Variants in NEO1 observed in about 807,000 individuals in gnomAD.
The protein encoded by NEO1 is neogenin 1.
Under a neutral mutation model 159.7 loss-of-function variants are expected in NEO1, and 63 were observed. That is an observed-to-expected ratio of 0.39 (90% CI 0.32 to 0.49). NEO1 has a LOEUF of 0.49. Among genes scored for constraint, NEO1 ranks in the 20% least tolerant of loss-of-function variants. NEO1 has a pLI of 0.85. For missense variants in NEO1, 1,615 were observed against 1,831.0 expected (o/e 0.88, Z 2.15); for synonymous variants, 633 against 662.0 (o/e 0.96, Z 0.67).
intron 3 of NEO1, among the ~76,000 whole-genome samples, chr15:73,125,358 T>A (rs1480469538): frequency 6.6e-6 from 1 of 152,250 alleles, no homozygotes; most frequent in Non-Finnish European, 1.5e-5. Flanking sequence ...TAAAAGTCAG[T>A]GACTCCACCA....
At chr15:73,132,444 T>C (rs1218031379) in intron 4 of NEO1, among the ~76,000 whole-genome samples, 1 of 152,108 alleles carries the variant, frequency 6.6e-6, no homozygotes, top group East Asian at 1.9e-4. Context: ...TTCTAGAAGA[T>C]AACATTCAAA....
intron 1 of NEO1, among the ~76,000 whole-genome samples, chr15:73,114,200 G>A (rs2071161627): frequency 6.6e-6 from 1 of 152,126 alleles, no homozygotes; most frequent in Admixed American, 6.6e-5. Context: ...GAAAAGGAGT[G>A]GTGGTGGGAA....
At chr15:73,148,853 T>TG (rs968230170) in intron 5 of NEO1, among the ~76,000 whole-genome samples, 4 of 150,840 alleles carry the variant, frequency 2.7e-5, no homozygotes, top group South Asian at 2.1e-4. Context: ...TTTTCAAACT[T>TG]GTTTTTTTTT....
intron 1 of NEO1, among the ~76,000 whole-genome samples, chr15:73,068,005 A>G (rs2068311269): frequency 6.6e-6 from 1 of 152,158 alleles, no homozygotes. Flanking sequence ...ATTTGCAACC[A>G]TTTAACAGTT....
chr15:73,229,207 A>G (rs1367559803), intron 7 of NEO1, among the ~76,000 whole-genome samples: 1 of 152,030 alleles, frequency 6.6e-6, no homozygotes, highest in East Asian at 1.9e-4. Flanking sequence ...AATGTGTTGT[A>G]ATTTTTTCTT....
intron 2 of NEO1, among the ~76,000 whole-genome samples, chr15:73,120,740 AGTG>A (rs1365078301): frequency 1.3e-5 from 2 of 152,022 alleles, no homozygotes; most frequent in African/African-American, 2.4e-5. Flanking sequence ...ACACCCATGA[AGTG>A]GTGGTGTTGG....
intron 5 of NEO1, among the ~76,000 whole-genome samples, chr15:73,159,641 G>T (rs1277651100): frequency 6.6e-6 from 1 of 152,162 alleles, no homozygotes; most frequent in Non-Finnish European, 1.5e-5. Flanking sequence ...ATAAGGGCAA[G>T]TCAACATGGA....
intron 5 of NEO1, among the ~76,000 whole-genome samples, chr15:73,149,154 A>C (rs1350413999): frequency 6.6e-6 from 1 of 152,052 alleles, no homozygotes; most frequent in Non-Finnish European, 1.5e-5. Context: ...GTCTCTACCA[A>C]AAATACAAAA....
At position 73,279,351 on chromosome 15, in the gene NEO1, G is replaced by GTTTTTTT. The variant is rs869029902; in HGVS notation, c.3262+1161_3262+1167dup. ...ATGTTTTTTTGTTGTTTTGGTTTTG[G>GTTTTTTT]TTTTTTTTTTTTTTTGAGATGGAAT... On this transcript the variant is annotated intron_variant, in intron 22 of 28. Transcript: ENST00000261908. Among the ~76,000 whole-genome samples, 65 of 119,330 alleles carry GTTTTTTT rather than the reference G, an allele frequency of 5.4e-4. 4 individuals carry two copies. Among genetic ancestry groups the GTTTTTTT allele is most frequent in the South Asian group, 8.2e-4 (3 of 3,680 alleles). 78.3% of individuals were successfully genotyped at this position (119,330 alleles called of 152,430 possible). A position where few individuals can be genotyped will look rare whatever the true frequency, so the allele number is the denominator to read the frequency against.
At chr15:73,272,625 G>T in intron 19 of NEO1, 63 bp downstream of exon 19, 1 of 1,177,556 alleles carries the variant, frequency 8.5e-7, no homozygotes, top group Non-Finnish European at 1.3e-6. Context: ...AGTATTCCAG[G>T]AGAGTACCAT....
chr15:73,208,384 G>A (rs541422643), intron 7 of NEO1, among the ~76,000 whole-genome samples: 47 of 152,248 alleles, frequency 3.1e-4, no homozygotes, highest in Non-Finnish European at 5.0e-4. Flanking sequence ...CCTGTACAGT[G>A]GTTATCTTTA....
chr15:73,241,421 T>G (rs1388179256), intron 8 of NEO1, among the ~76,000 whole-genome samples: 1 of 152,198 alleles, frequency 6.6e-6, no homozygotes, highest in Non-Finnish European at 1.5e-5. Flanking sequence ...GTTACATAGG[T>G]AACTATATAA....
chr15:73,296,878 C>T (rs1458007867), intron 26 of NEO1, among the ~76,000 whole-genome samples: 7 of 152,168 alleles, frequency 4.6e-5, no homozygotes, highest in Non-Finnish European at 1.0e-4. Flanking sequence ...AAATGTAAAA[C>T]TTATGAATTA....
chr15:73,120,827 C>T (rs958873380), intron 2 of NEO1, among the ~76,000 whole-genome samples: 21 of 151,912 alleles, frequency 1.4e-4, no homozygotes, highest in African/African-American at 3.1e-4. Flanking sequence ...ATATTTATGA[C>T]GACATTTTTG....
chr15:73,185,088 A>T (rs887912803), intron 7 of NEO1, among the ~76,000 whole-genome samples: 4 of 152,170 alleles, frequency 2.6e-5, no homozygotes, highest in Non-Finnish European at 5.9e-5. Flanking sequence ...AAAAGGCAAA[A>T]CTATGGAGTT....
At chr15:73,220,011 C>T (rs1191589538) in intron 7 of NEO1, among the ~76,000 whole-genome samples, 1 of 151,896 alleles carries the variant, frequency 6.6e-6, no homozygotes, top group Non-Finnish European at 1.5e-5. Context: ...GCAGTTTCTT[C>T]CTAGTCTCGA....
chr15:73,226,265 G>A (rs62015460), intron 7 of NEO1, among the ~76,000 whole-genome samples: 42,948 of 152,058 alleles, frequency 0.28, 7,709 homozygotes, highest in Non-Finnish European at 0.4. Flanking sequence ...TTCACAGTGC[G>A]AGCCTCCGCA....
intron 1 of NEO1, among the ~76,000 whole-genome samples, chr15:73,072,967 G>A (rs1045744535): frequency 1.3e-5 from 2 of 152,110 alleles, no homozygotes; most frequent in Non-Finnish European, 2.9e-5. Flanking sequence ...TGTCTTTTAC[G>A]GAGAAAGAAC....
intron 15 of NEO1, among the ~76,000 whole-genome samples, chr15:73,264,387 A>G (rs1337077744): frequency 6.6e-6 from 1 of 152,226 alleles, no homozygotes; most frequent in African/African-American, 2.4e-5. Flanking sequence ...GGAGAACGCT[A>G]TAGCAAGACA....
Sources: gnomAD v4.1 joint callset for allele counts (sites outside exome capture counted in the v4.1 genomes callset) on GRCh38, gnomAD v4.1.1 for gene constraint, MANE v1.5 for transcripts, NCBI Gene and HGNC (gene_info 2026-07-23, HGNC 2026-07-21) for gene names.